Variants in DNAH9 observed in about 807,000 individuals in gnomAD.
DNAH9 encodes dynein axonemal heavy chain 9.
Under a neutral mutation model 471.6 loss-of-function variants are expected in DNAH9, and 345 were observed. The ratio of observed to expected loss-of-function variants is 0.73; its 90% CI spans 0.67 to 0.80. DNAH9 has a LOEUF of 0.80. Among genes scored for constraint, DNAH9 ranks in the 30% least tolerant of loss-of-function variants. The pLI, the probability that DNAH9 is intolerant of heterozygous loss-of-function variation, is 0.00. For synonymous variants in DNAH9, 2,093 were observed against 2,123.6 expected, an observed-to-expected ratio of 0.99 and a Z score of 0.40; for missense variants, 5,407 against 5,609.2, an observed-to-expected ratio of 0.96 and a Z score of 1.15.
At chr17:11,723,937 T>G (rs2075107969) in intron 27 of DNAH9, among the ~76,000 whole-genome samples, 1 of 152,196 alleles carries the variant, frequency 6.6e-6, no homozygotes, top group African/African-American at 2.4e-5. Flanking sequence ...CCTCCCAAAG[T>G]GCTGGGATTA....
intron 57 of DNAH9, among the ~76,000 whole-genome samples, chr17:11,888,175 G>C (rs559369076): frequency 2.6e-5 from 4 of 151,736 alleles, no homozygotes; most frequent in Non-Finnish European, 4.4e-5. Context: ...TAGTAGAGAC[G>C]GGGTTTCACT....
chr17:11,722,905 GTGTTTGGAATTA>G (rs915026938), intron 27 of DNAH9, among the ~76,000 whole-genome samples: 1 of 151,784 alleles, frequency 6.6e-6, no homozygotes, highest in African/African-American at 2.4e-5. Flanking sequence ...AAACCTGAAA[GTGTTTGGAATTA>G]TTTCCAACCC....
Position 11,690,390 on chromosome 17 carries a change from A to G in DNAH9, c.4568A>G (p.Glu1523Gly). The G allele has an allele frequency of 6.2e-7, 1 of 1,614,184 alleles. No individual in the cohort carries two copies. The highest frequency in any genetic ancestry group is 1.7e-5 in the Admixed American group (1 of 60,024). ...GTGCAGCGAACATGGACTCACCTGG[A>G]AAGCATATTCACTGGATCTGAAGAT... ...FEVQRTWTHL[E>G]SIFTGSEDIR... The change falls in exon 20 of 69, where the codon GAA becomes GGA. Residue 1523 changes from glutamate to glycine, a missense_variant. Coordinates refer to ENST00000262442, the MANE Select transcript of DNAH9 (RefSeq NM_001372.4).
chr17:11,801,727 C>T (rs1247058112), intron 43 of DNAH9, among the ~76,000 whole-genome samples: 3 of 152,110 alleles, frequency 2.0e-5, no homozygotes, highest in Admixed American at 6.5e-5. Context: ...TATGAAGCTC[C>T]AGTGAGTATT....
chr17:11,699,613 C>G (rs2074555407), intron 22 of DNAH9, 118 bp from the exon 23 acceptor site: 2 of 847,058 alleles, frequency 2.4e-6, no homozygotes, highest in Admixed American at 2.2e-5. Context: ...CTTCTAAATG[C>G]TTGGTATCCA....
chr17:11,824,616 T>G (rs1970423911), intron 48 of DNAH9, among the ~76,000 whole-genome samples: 1 of 152,244 alleles, frequency 6.6e-6, no homozygotes, highest in South Asian at 2.1e-4. Context: ...TCACCAATAC[T>G]AATTTAATAG....
chr17:11,804,933 G>A (rs967572758), intron 43 of DNAH9, among the ~76,000 whole-genome samples: 2 of 150,882 alleles, frequency 1.3e-5, no homozygotes, highest in East Asian at 1.9e-4. Flanking sequence ...TGTAATCTCC[G>A]CTACTCGCTA....
At chr17:11,681,475 G>A (rs865936544) in intron 19 of DNAH9, among the ~76,000 whole-genome samples, 2 of 152,250 alleles carry the variant, frequency 1.3e-5, no homozygotes, top group Middle Eastern at 3.4e-3. Flanking sequence ...TCCTCCCGTG[G>A]TGAAGCGGTC....
chr17:11,856,677 G>A (rs1219022153), intron 50 of DNAH9, among the ~76,000 whole-genome samples: 1 of 151,816 alleles, frequency 6.6e-6, no homozygotes, highest in African/African-American at 2.4e-5. Context: ...CTGCACTCCA[G>A]CCTGGGCAAC....
At chr17:11,642,623 T>C (rs892886957) in intron 10 of DNAH9, among the ~76,000 whole-genome samples, 1 of 152,258 alleles carries the variant, frequency 6.6e-6, no homozygotes, top group Non-Finnish European at 1.5e-5. Flanking sequence ...TTCCTCACCA[T>C]GAAGTGACAT....
intron 14 of DNAH9, among the ~76,000 whole-genome samples, chr17:11,655,909 CACAT>C (rs1385508482): frequency 2.0e-5 from 3 of 151,784 alleles, no homozygotes; most frequent in Admixed American, 1.3e-4. Flanking sequence ...TACACACACA[CACAT>C]ACACACACAC....
chr17:11,925,009 T>C, intron 62 of DNAH9: 2 of 339,826 alleles, frequency 5.9e-6, no homozygotes, highest in East Asian at 7.9e-5. Flanking sequence ...CCTAATCCTC[T>C]TTTATGCCAC....
chr17:11,916,874 CA>C (rs949921322), intron 61 of DNAH9, among the ~76,000 whole-genome samples: 19 of 152,212 alleles, frequency 1.2e-4, no homozygotes, highest in African/African-American at 4.6e-4. Flanking sequence ...CACAGACACA[CA>C]ACATTCTGTA....
rs186372259 is a variant in DNAH9 at position 11,922,624 on chromosome 17, T to C, written c.11750-1190T>C. ...CCATCTGCAACACCAGCAACCCTTA[T>C]ATACATCCAACAGAAAATTCACACC... On this transcript the variant is annotated intron_variant, in intron 61 of 68. Coordinates refer to ENST00000262442, the MANE Select transcript of DNAH9 (RefSeq NM_001372.4). Among the ~76,000 whole-genome samples the C allele has an allele frequency of 2.4e-3, 363 of 152,324 alleles. 2 individuals are homozygous for C. Among genetic ancestry groups the C allele is most frequent in the Middle Eastern group, 6.8e-3 (2 of 294 alleles).
intron 68 of DNAH9, among the ~76,000 whole-genome samples, chr17:11,963,156 C>T (rs1976378405): frequency 6.6e-6 from 1 of 152,122 alleles, no homozygotes; most frequent in East Asian, 1.9e-4. Context: ...ACACACAGGT[C>T]GGGCACAGTG....
At chr17:11,902,557 C>T (rs2151012927) in intron 59 of DNAH9, among the ~76,000 whole-genome samples, 162 bp from the exon 60 acceptor site, 1 of 152,302 alleles carries the variant, frequency 6.6e-6, no homozygotes, top group Non-Finnish European at 1.5e-5. Flanking sequence ...AAAATTCTTC[C>T]TCTTTCTTGA....
chr17:11,719,206 C>T (rs571452893), intron 26 of DNAH9, 128 bp from the exon 27 acceptor site: 53 of 875,562 alleles, frequency 6.1e-5, no homozygotes, highest in African/African-American at 4.2e-4. Flanking sequence ...CTGTGGGGAG[C>T]GGGAAAAAGG....
chr17:11,756,643 C>T lies in DNAH9; in HGVS notation c.6814C>T (p.Arg2272Cys), dbSNP rs139421775. Residue 2272 changes from arginine (R) to cysteine (C), a missense_variant, in exon 34 of 69, where the codon CGC (arginine) becomes TGC (cysteine). By Grantham distance (180) the Arg-to-Cys change is radical. Transcript: ENST00000262442. ...MKLLFEISHL[R>C]TATPATVSRA... ...GCTCCTCTTTGAGATCAGCCACCTGCGCACAGCCACTCCAGCAACTGTCTC... is the reference window on the plus strand; with the variant it reads ...GCTCCTCTTTGAGATCAGCCACCTGTGCACAGCCACTCCAGCAACTGTCTC... 50 of 1,612,790 alleles carry T rather than the reference C, an allele frequency of 3.1e-5. No individual in the cohort carries two copies. Among genetic ancestry groups the T allele is most frequent in the South Asian group, 8.8e-5 (8 of 91,060 alleles).
Position 11,871,756 on chromosome 17 carries a change from A to T in DNAH9, c.10212A>T (p.Arg3404Ser). The T allele has an allele frequency of 1.2e-6, 2 of 1,614,134 alleles. No individual in the cohort carries two copies. The highest frequency in any genetic ancestry group is 1.7e-6 in the Non-Finnish European group (2 of 1,180,000). Residue 3404 changes from arginine (R) to serine (S), a missense_variant, in exon 52 of 69, where the codon AGA becomes AGT. By Grantham distance (110) the Arg-to-Ser change is moderately radical (BLOSUM62 -1). This residue lies in a region of DNAH9 where 4,636 missense variants were observed against 4,900.3 expected (regional missense o/e 0.95). Transcript: ENST00000262442. ...AATACCGGCAGAGCCTCCTGGACAG[A>T]ACTTGGAGGCCCTACCTGAGCCAGC... The part of the protein sequence containing the change: ...TKKYRQSLLD[R>S]TWRPYLSQLK...
Sources: allele counts gnomAD v4.1 joint callset (sites outside exome capture counted in the v4.1 genomes callset), GRCh38; gene constraint gnomAD v4.1.1; regional missense constraint gnomAD v4.1.1; transcripts MANE v1.5; gene names NCBI Gene and HGNC (gene_info 2026-07-23, HGNC 2026-07-21).